The following SSBP2 variants were observed in gnomAD, a reference collection of about 807,000 sequenced individuals.
SSBP2 encodes single stranded DNA binding protein 2.
Under a neutral mutation model 61.8 loss-of-function variants are expected in SSBP2, and 17 were observed. The observed-to-expected ratio is 0.28, with a 90% CI of 0.19 to 0.41. The LOEUF is 0.41. Ranked by LOEUF, SSBP2 falls within the 10% of genes least tolerant of loss-of-function variation. The pLI is 1.00. For missense variants in SSBP2, 310 were observed against 458.7 expected, an observed-to-expected ratio of 0.68 and a Z score of 2.96; for synonymous variants, 139 against 141.3, an observed-to-expected ratio of 0.98 and a Z score of 0.12.
chr5:81,560,891 T>C (rs184631036), intron 4 of SSBP2, among the ~76,000 whole-genome samples: 6 of 152,242 alleles, frequency 3.9e-5, no homozygotes, highest in Admixed American at 2.6e-4. Context: ...TTAACAAATT[T>C]CAAGAATACA....
Position 81,416,279 on chromosome 5 carries a change from CCAAAAT to C in SSBP2, c.*4219_*4224del, listed in dbSNP as rs1159154596. On this transcript the variant is annotated 3_prime_UTR_variant, in exon 17 of 17. Transcript: ENST00000320672. ...CAGTGTCAAAACACTAAAATGCATT[CCAAAAT>C]CAAAATCAAGTGGCTATGATTTGTG... 6.6e-6 allele frequency: 1 copy of C among 151,570 alleles called. No individual in the cohort carries two copies. Among genetic ancestry groups the C allele is most frequent in the African/African-American group, 2.4e-5 (1 of 41,294 alleles). The allele number at this position is 151,570 out of a possible 1,614,324, so 9.4% of individuals were successfully genotyped here. A position where few individuals can be genotyped will look rare whatever the true frequency, so the allele number is the denominator to read the frequency against.
intron 1 of SSBP2, among the ~76,000 whole-genome samples, chr5:81,669,203 G>C (rs941630081): frequency 6.6e-6 from 1 of 152,182 alleles, no homozygotes; most frequent in African/African-American, 2.4e-5. Flanking sequence ...CAATGATGTA[G>C]AGTAACAGAG....
chr5:81,435,882 T>A (rs1445356869), intron 15 of SSBP2, among the ~76,000 whole-genome samples: 10 of 152,068 alleles, frequency 6.6e-5, no homozygotes, highest in South Asian at 4.1e-4. Context: ...ATTTGGCTAA[T>A]TAAATTGTTA....
chr5:81,481,080 CACG>C (rs1288497045), intron 6 of SSBP2, among the ~76,000 whole-genome samples: 17 of 152,296 alleles, frequency 1.1e-4, no homozygotes, highest in Non-Finnish European at 2.9e-5. Flanking sequence ...CCTCTATTTT[CACG>C]ACATCTGTAG....
intron 1 of SSBP2, among the ~76,000 whole-genome samples, chr5:81,669,832 A>G (rs2153784649): frequency 6.6e-6 from 1 of 152,296 alleles, no homozygotes; most frequent in South Asian, 2.1e-4. Context: ...AAGAAAAAGA[A>G]AAAAGAAATG....
chr5:81,478,926 G>A (rs1035792905), intron 6 of SSBP2, among the ~76,000 whole-genome samples: 1 of 152,168 alleles, frequency 6.6e-6, no homozygotes, highest in African/African-American at 2.4e-5. Context: ...TTGAATATCA[G>A]AACAACTGAC....
At chr5:81,692,902 T>A (rs970435057) in intron 1 of SSBP2, among the ~76,000 whole-genome samples, 5 of 151,930 alleles carry the variant, frequency 3.3e-5, no homozygotes, top group Non-Finnish European at 7.4e-5. Context: ...ACTATAAAAC[T>A]CTTAAAAGAA....
At chr5:81,507,987 A>T (rs1320511083) in intron 5 of SSBP2, among the ~76,000 whole-genome samples, 1 of 152,192 alleles carries the variant, frequency 6.6e-6, no homozygotes, top group Non-Finnish European at 1.5e-5. Context: ...GCCTATTTAT[A>T]TTGCAGGAAT....
chr5:81,558,959 T>A (rs1392575683), intron 4 of SSBP2, among the ~76,000 whole-genome samples: 1 of 152,192 alleles, frequency 6.6e-6, no homozygotes, highest in African/African-American at 2.4e-5. Context: ...AAGATGTTTT[T>A]AAAAATTATT....
intron 4 of SSBP2, among the ~76,000 whole-genome samples, chr5:81,539,579 T>C (rs1006501846): frequency 2.6e-5 from 4 of 152,158 alleles, no homozygotes; most frequent in African/African-American, 4.8e-5. Context: ...TCATTCAATG[T>C]GGCAAACTTC....
At chr5:81,724,074 A>C (rs527428065) in intron 1 of SSBP2, among the ~76,000 whole-genome samples, 31 of 152,018 alleles carry the variant, frequency 2.0e-4, no homozygotes, top group Non-Finnish European at 4.1e-4. Context: ...CTAATTACTA[A>C]AAAACACAGC....
intron 10 of SSBP2, among the ~76,000 whole-genome samples, chr5:81,450,819 C>G (rs1187473709): frequency 6.6e-6 from 1 of 152,176 alleles, no homozygotes; most frequent in African/African-American, 2.4e-5. Flanking sequence ...ATAAAGTCTA[C>G]TTTGTTAATT....
intron 1 of SSBP2, among the ~76,000 whole-genome samples, chr5:81,749,515 G>A (rs1480161838): frequency 3.3e-5 from 5 of 152,170 alleles, no homozygotes; most frequent in African/African-American, 1.2e-4. Flanking sequence ...ATTTCTGTGC[G>A]CAAGGTAACC....
intron 1 of SSBP2, among the ~76,000 whole-genome samples, chr5:81,673,910 G>C (rs1475880590): frequency 6.6e-6 from 1 of 152,190 alleles, no homozygotes; most frequent in East Asian, 1.9e-4. Context: ...TTGGGATATA[G>C]AAGTGTCCAA....
chr5:81,666,950 A>T (rs1451817443), intron 1 of SSBP2, among the ~76,000 whole-genome samples: 3 of 152,214 alleles, frequency 2.0e-5, no homozygotes, highest in Admixed American at 2.0e-4. Flanking sequence ...TCACATAAAA[A>T]TTAACACCAG....
At chr5:81,652,335 CAA>C (rs1749799989) in intron 1 of SSBP2, among the ~76,000 whole-genome samples, 1 of 152,012 alleles carries the variant, frequency 6.6e-6, no homozygotes, top group East Asian at 1.9e-4. Flanking sequence ...ACCTAAGAAA[CAA>C]AAAGTTTACC....
chr5:81,551,211 A>T (rs1439490479), intron 4 of SSBP2, among the ~76,000 whole-genome samples: 2 of 151,952 alleles, frequency 1.3e-5, no homozygotes, highest in Admixed American at 6.6e-5. Flanking sequence ...AGCCTATACA[A>T]TTTTTTCCTG....
At chr5:81,513,814 A>G in intron 4 of SSBP2, 97 bp from the exon 5 acceptor site, 1 of 712,658 alleles carries the variant, frequency 1.4e-6, no homozygotes, top group South Asian at 1.8e-5. Flanking sequence ...ATGCTCTTTC[A>G]TGCCTGGGAA....
intron 4 of SSBP2, among the ~76,000 whole-genome samples, chr5:81,553,896 AC>A (rs919899856): frequency 2.0e-5 from 3 of 151,006 alleles, no homozygotes; most frequent in African/African-American, 4.9e-5. Context: ...CTTCTCTCCT[AC>A]CCTTTTTTAT....
Sources: allele counts gnomAD v4.1 joint callset (sites outside exome capture counted in the v4.1 genomes callset), GRCh38; gene constraint gnomAD v4.1.1; transcripts MANE v1.5; gene names NCBI Gene and HGNC (gene_info 2026-07-23, HGNC 2026-07-21).